The following EVI5 variants were observed in gnomAD, a reference collection of about 807,000 sequenced individuals.
The protein encoded by EVI5 is ecotropic viral integration site 5 protein homolog.
In EVI5, 73 loss-of-function variants were observed where a neutral mutation model predicts 112.0. The observed-to-expected ratio is 0.65, with a 90% CI of 0.54 to 0.79. EVI5 has a LOEUF of 0.79. Among genes scored for constraint, EVI5 ranks in the 30% least tolerant of loss-of-function variants. EVI5 has a pLI of 0.00. For synonymous variants in EVI5, 305 were observed against 319.9 expected, an observed-to-expected ratio of 0.95 and a Z score of 0.50; for missense variants, 900 against 968.8, an observed-to-expected ratio of 0.93 and a Z score of 0.94.
intron 9 of EVI5, 143 bp from the exon 10 acceptor site, chr1:92,677,361 A>AG (rs1466433419): frequency 3.4e-5 from 17 of 499,372 alleles, no homozygotes; most frequent in African/African-American, 3.2e-4. Context: ...ATTTGATGTG[A>AG]GAAAAATCAT....
intron 2 of EVI5, among the ~76,000 whole-genome samples, chr1:92,717,749 C>T (rs1673999622): frequency 1.3e-5 from 2 of 151,778 alleles, no homozygotes; most frequent in South Asian, 2.1e-4. Flanking sequence ...CACAGACTGG[C>T]AAATTAGATA....
rs1015360340 is a variant in EVI5, at chr1:92,698,093, G to T, written c.640-108C>A. 7.4e-6 allele frequency: 7 copies of T among 945,234 alleles called. No homozygotes were observed. In the African/African-American group the frequency reaches 8.2e-5, roughly 11 times the overall value. The allele number at this position is 945,234 out of a possible 1,614,324, so 58.6% of individuals were successfully genotyped here. ...GCCAACCACAAACATTGTTTGAGTG[G>T]CTGTGTGCTGCAATGTTAAGAGCAA... On this transcript the variant is annotated intron_variant, in intron 5 of 19. Coordinates refer to ENST00000684568, the MANE Select transcript of EVI5 (RefSeq NM_001350197.2).
upstream of EVI5, among the ~76,000 whole-genome samples, chr1:92,786,743 A>C (rs1041543872): frequency 6.6e-6 from 1 of 152,072 alleles, no homozygotes; most frequent in African/African-American, 2.4e-5. Context: ...CCACTTAAAC[A>C]CTTTCCCATT....
intron 16 of EVI5, 122 bp from the exon 17 acceptor site, chr1:92,607,849 T>A: frequency 1.6e-6 from 1 of 610,288 alleles, no homozygotes; most frequent in Admixed American, 3.9e-5. Flanking sequence ...GTCACTGTTA[T>A]TCAACAAAAT....
chr1:92,585,478 GAC>G (rs1421057378), intron 18 of EVI5, among the ~76,000 whole-genome samples: 1 of 152,128 alleles, frequency 6.6e-6, no homozygotes, highest in Non-Finnish European at 1.5e-5. Flanking sequence ...AACAGAGCAA[GAC>G]ACTCTCCCTC....
At chr1:92,614,773 T>C (rs1475704885) in intron 16 of EVI5, among the ~76,000 whole-genome samples, 2 of 149,152 alleles carry the variant, frequency 1.3e-5, no homozygotes, top group Non-Finnish European at 3.0e-5. Context: ...TAAACTCATA[T>C]ATATATATAT....
chr1:92,673,357 T>A (rs1666195482), intron 10 of EVI5, among the ~76,000 whole-genome samples: 1 of 152,124 alleles, frequency 6.6e-6, no homozygotes, highest in Non-Finnish European at 1.5e-5. Context: ...TTTTAGGGCT[T>A]TAGATCTCTG....
At chr1:92,774,687 T>C (rs1463080184) in intron 1 of EVI5, among the ~76,000 whole-genome samples, 1 of 152,122 alleles carries the variant, frequency 6.6e-6, no homozygotes, top group Admixed American at 6.5e-5. Context: ...ACCCAGATAA[T>C]AGCCAGTTTA....
intron 1 of EVI5, among the ~76,000 whole-genome samples, chr1:92,762,781 C>T (rs563334974): frequency 1.3e-5 from 2 of 152,172 alleles, no homozygotes; most frequent in African/African-American, 4.8e-5. Flanking sequence ...TCTGCTACAT[C>T]GATGTAGTAA....
In EVI5 at chr1:92,509,308, A is replaced by C. The variant is rs1659043931; in HGVS notation, c.*4348T>G. ...ATCTGGAGAGTTAACAAGCTGCATCATGTTCAGAATTGAGAAAAAGTTTTT... is the reference window on the plus strand; with the variant it reads ...ATCTGGAGAGTTAACAAGCTGCATCCTGTTCAGAATTGAGAAAAAGTTTTT... On this transcript the variant is annotated 3_prime_UTR_variant, in exon 20 of 20. Transcript: ENST00000684568. The C allele has an allele frequency of 6.6e-6, 1 of 152,628 alleles. No homozygotes were observed. Among genetic ancestry groups the C allele is most frequent in the South Asian group, 2.1e-4 (1 of 4,836 alleles). 9.5% of individuals were successfully genotyped at this position (152,628 alleles called of 1,614,324 possible).
At chr1:92,672,041 G>T (rs184796449) in intron 10 of EVI5, among the ~76,000 whole-genome samples, 129 of 152,100 alleles carry the variant, frequency 8.5e-4, no homozygotes, top group Middle Eastern at 3.4e-3. Flanking sequence ...CTGGGCTCAA[G>T]GAATCCGCCC....
intron 19 of EVI5, among the ~76,000 whole-genome samples, chr1:92,533,764 T>C (rs890187250): frequency 5.3e-5 from 8 of 152,158 alleles, no homozygotes; most frequent in Non-Finnish European, 1.0e-4. Context: ...AAACTAGGTA[T>C]TGATGGAACG....
chr1:92,682,058 C>CA (rs1667677629), intron 9 of EVI5, among the ~76,000 whole-genome samples: 1 of 152,158 alleles, frequency 6.6e-6, no homozygotes, highest in Non-Finnish European at 1.5e-5. Flanking sequence ...TGGATCCTCC[C>CA]ACCTCAGCCT....
At chr1:92,780,060 C>G (rs1684666372) in intron 1 of EVI5, among the ~76,000 whole-genome samples, 1 of 152,146 alleles carries the variant, frequency 6.6e-6, no homozygotes, top group Admixed American at 6.5e-5. Context: ...AAGGGCAGGA[C>G]CAGGTGGAGA....
At chr1:92,735,335 T>C (rs1677141487) in intron 2 of EVI5, among the ~76,000 whole-genome samples, 1 of 152,082 alleles carries the variant, frequency 6.6e-6, no homozygotes, top group Non-Finnish European at 1.5e-5. Context: ...TACAAAATTC[T>C]AGAAAATGCA....
intron 16 of EVI5, 44 bp downstream of exon 16, chr1:92,624,132 C>A: frequency 6.7e-7 from 1 of 1,502,192 alleles, no homozygotes; most frequent in South Asian, 1.1e-5. Flanking sequence ...AACCCTTGAT[C>A]AGCTAATGAT....
At chr1:92,530,266 G>A (rs1286502094) in intron 19 of EVI5, among the ~76,000 whole-genome samples, 3 of 152,010 alleles carry the variant, frequency 2.0e-5, no homozygotes, top group Non-Finnish European at 4.4e-5. Flanking sequence ...GGGCATCTCT[G>A]AAAAAAACGC....
chr1:92,738,612 G>A (rs1677835272), intron 1 of EVI5, among the ~76,000 whole-genome samples: 1 of 152,078 alleles, frequency 6.6e-6, no homozygotes. Context: ...ATAATCAAAA[G>A]CACAATTCTG....
intron 1 of EVI5, among the ~76,000 whole-genome samples, chr1:92,746,522 T>G (rs1336295095): frequency 6.6e-6 from 1 of 152,028 alleles, no homozygotes; most frequent in Non-Finnish European, 1.5e-5. Flanking sequence ...GGTCAGGAGC[T>G]CGAGATCAGT....
Sources: allele counts gnomAD v4.1 joint callset (sites outside exome capture counted in the v4.1 genomes callset), GRCh38; gene constraint gnomAD v4.1.1; transcripts MANE v1.5; gene names NCBI Gene and HGNC (gene_info 2026-07-23, HGNC 2026-07-21).